Variants in GAPVD1 observed in about 807,000 individuals in gnomAD.
GAPVD1 encodes GTPase activating protein and VPS9 domains 1.
A neutral mutation model predicts 155.5 loss-of-function variants in GAPVD1; 35 were observed. The ratio of observed to expected loss-of-function variants is 0.23; its 90% CI spans 0.17 to 0.30. The LOEUF (loss-of-function observed/expected upper bound fraction) is 0.30. Among genes scored for constraint, GAPVD1 ranks in the 10% least tolerant of loss-of-function variants. The pLI, the probability that GAPVD1 is intolerant of heterozygous loss-of-function variation, is 1.00. For synonymous variants in GAPVD1, 636 were observed against 619.7 expected (o/e 1.03, Z -0.39); for missense variants, 1,429 against 1,775.7 (o/e 0.80, Z 3.51).
chr9:125,291,040 A>T (rs1430447834), intron 2 of GAPVD1, among the ~76,000 whole-genome samples: 1 of 151,304 alleles, frequency 6.6e-6, no homozygotes, highest in Non-Finnish European at 1.5e-5. Context: ...TCATCCCAGA[A>T]CTTTGGGAGG....
rs1290617115 is a variant in GAPVD1, at chr9:125,298,897, C to A, written c.-25C>A. ...TTATCTTTTTACTCTTAGTGATCAG[C>A]CTTTGAGCCTTTCCCACATTGAAGA... On this transcript the variant is annotated 5_prime_UTR_variant, in exon 4 of 28. Coordinates refer to ENST00000297933, the MANE Select transcript of GAPVD1 (RefSeq NM_001282680.3). 1.1e-5 allele frequency: 17 copies of A among 1,489,710 alleles called. No individual in the cohort carries two copies. The highest frequency in any genetic ancestry group is 1.6e-5 in the Non-Finnish European group (17 of 1,084,638). The allele number at this position is 1,489,710 out of a possible 1,614,324, so 92.3% of individuals were successfully genotyped here. A position where few individuals can be genotyped will look rare whatever the true frequency, so the allele number is the denominator to read the frequency against.
At chr9:125,328,855 G>A (rs904846843) in intron 12 of GAPVD1, among the ~76,000 whole-genome samples, 12 of 151,758 alleles carry the variant, frequency 7.9e-5, no homozygotes, top group East Asian at 7.8e-4. Context: ...CCTCCCTCCC[G>A]GACGGGGCGG....
intron 17 of GAPVD1, among the ~76,000 whole-genome samples, chr9:125,339,274 C>T (rs1476529426): frequency 1.3e-5 from 2 of 152,106 alleles, no homozygotes; most frequent in Admixed American, 6.6e-5. Flanking sequence ...CAGGCGTGAG[C>T]CACCCACAGT....
intron 1 of GAPVD1, among the ~76,000 whole-genome samples, chr9:125,264,934 C>T (rs1346980971): frequency 6.6e-6 from 1 of 152,032 alleles, no homozygotes; most frequent in Non-Finnish European, 1.5e-5. Flanking sequence ...GTCAGGCTGG[C>T]CTCGAACCTC....
At chr9:125,362,480 C>A in intron 27 of GAPVD1, 126 bp from the exon 28 acceptor site, 1 of 761,936 alleles carries the variant, frequency 1.3e-6, no homozygotes, top group South Asian at 2.1e-5. Context: ...CAAAAAATAA[C>A]TTTGGGGTTG....
At chr9:125,313,890 T>G (rs61649725) in intron 9 of GAPVD1, among the ~76,000 whole-genome samples, 1,967 of 152,306 alleles carry the variant, frequency 0.013, 103 homozygotes, top group East Asian at 0.088. Context: ...TGTGAATCAC[T>G]GCACCCAGCC....
At chr9:125,310,913 C>T (rs1167461353) in intron 8 of GAPVD1, among the ~76,000 whole-genome samples, 2 of 151,484 alleles carry the variant, frequency 1.3e-5, no homozygotes, top group African/African-American at 4.9e-5. Flanking sequence ...GATCTCGGCT[C>T]ACTGCAACCT....
At position 125,346,951 on chromosome 9, in the gene GAPVD1, A is replaced by G. The variant is rs755390598; in HGVS notation, c.3169+10A>G. On this transcript the variant is annotated intron_variant, in intron 20 of 27. Coordinates refer to ENST00000297933, the MANE Select transcript of GAPVD1 (RefSeq NM_001282680.3). ...AACTATGAAAGTACAGGTGATAATCATGACAGAGATTTGAGTAGTAAACTT... is the reference window on the plus strand; with the variant it reads ...AACTATGAAAGTACAGGTGATAATCGTGACAGAGATTTGAGTAGTAAACTT... 13 of 1,612,320 alleles carry G rather than the reference A, an allele frequency of 8.1e-6. No individual in the cohort carries two copies. In the Admixed American group the frequency reaches 1.3e-4, roughly 17 times the overall value.
chr9:125,277,685 G>GT (rs551496647), intron 2 of GAPVD1, among the ~76,000 whole-genome samples: 17,463 of 137,178 alleles, frequency 0.13, 1,145 homozygotes, highest in Non-Finnish European at 0.16. Context: ...ATGCTTGTCT[G>GT]TTTTTTTTTT....
At chr9:125,293,852 TTATATATA>T (rs1161661604) in intron 2 of GAPVD1, among the ~76,000 whole-genome samples, 492 of 34,806 alleles carry the variant, frequency 0.014, 1 homozygote, top group South Asian at 0.025. Flanking sequence ...AAAATATATT[TTATATATA>T]TATATATATA....
At chr9:125,280,533 T>C (rs1388851434) in intron 2 of GAPVD1, among the ~76,000 whole-genome samples, 1 of 151,850 alleles carries the variant, frequency 6.6e-6, no homozygotes, top group Admixed American at 6.6e-5. Context: ...TATTCTTTAC[T>C]GCTGATCAGT....
rs893219638 is a variant in GAPVD1, at chr9:125,365,704, T to G, written c.*2958T>G. The G allele has an allele frequency of 6.6e-6, 1 of 152,276 alleles. No homozygotes were observed. The highest frequency in any genetic ancestry group is 1.5e-5 in the Non-Finnish European group (1 of 68,058). 9.4% of individuals were successfully genotyped at this position (152,276 alleles called of 1,614,324 possible). On this transcript the variant is annotated 3_prime_UTR_variant, in exon 28 of 28. Coordinates refer to ENST00000297933, the MANE Select transcript of GAPVD1 (RefSeq NM_001282680.3). Reference sequence around the variant, plus strand: ...CCCAGTCTGGAGTGCAGTGCTGTGATCTCGGCTCACTGTAACCACCATCTC... The same window carrying G: ...CCCAGTCTGGAGTGCAGTGCTGTGAGCTCGGCTCACTGTAACCACCATCTC...
intron 2 of GAPVD1, among the ~76,000 whole-genome samples, chr9:125,291,811 A>C (rs1182369821): frequency 6.6e-6 from 1 of 152,154 alleles, no homozygotes; most frequent in Non-Finnish European, 1.5e-5. Flanking sequence ...TTAAGGCAGG[A>C]AGGTAAAGAG....
chr9:125,354,822 G>A lies in GAPVD1; in HGVS notation c.3738G>A (p.Lys1246=). The change falls in exon 24 of 28, where the codon AAG becomes AAA. Residue 1246 remains lysine (K), a synonymous_variant. Coordinates refer to ENST00000297933, the MANE Select transcript of GAPVD1 (RefSeq NM_001282680.3). The part of the protein sequence containing the change: ...VRLLLESKEK[K]IREFIQDFQK... ...TACTGCTTGAGAGCAAAGAAAAGAA[G>A]ATCAGGGAATTCATTCAAGGTAACT... The A allele has an allele frequency of 6.2e-7, 1 of 1,612,940 alleles. No homozygotes were observed. Among genetic ancestry groups the A allele is most frequent in the Non-Finnish European group, 8.5e-7 (1 of 1,178,930 alleles).
intron 2 of GAPVD1, among the ~76,000 whole-genome samples, chr9:125,292,573 A>G (rs1838785946): frequency 6.6e-6 from 1 of 151,750 alleles, no homozygotes; most frequent in Non-Finnish European, 1.5e-5. Flanking sequence ...TTGTATTTTT[A>G]CTAGAGGGAT....
At chr9:125,288,923 G>A (rs112112934) in intron 2 of GAPVD1, among the ~76,000 whole-genome samples, 3 of 152,146 alleles carry the variant, frequency 2.0e-5, no homozygotes, top group Admixed American at 2.0e-4. Context: ...CTTACATAGG[G>A]TGGCCAAACT....
chr9:125,329,634 GTTTT>G (rs141414767), intron 12 of GAPVD1, among the ~76,000 whole-genome samples: 6 of 141,096 alleles, frequency 4.3e-5, no homozygotes, highest in Admixed American at 1.4e-4. Context: ...GAATTTGGTG[GTTTT>G]TTTTTTTTTT....
Position 125,337,273 on chromosome 9 carries a change from A to C in GAPVD1, c.2559A>C (p.Pro853=), listed in dbSNP as rs1847173521. Residue 853 remains proline, a synonymous_variant, in exon 17 of 28, where the codon CCA becomes CCC. Transcript: ENST00000297933. ...PKVHYARPSH[P]PPDPPILEGA... ...TTCACTATGCTAGGCCATCGCATCC[A>C]CCACCAGATCCCCCAATCCTGGAAG... 6.2e-7 allele frequency: 1 copy of C among 1,614,134 alleles called. No homozygotes were observed. Among genetic ancestry groups the C allele is most frequent in the Non-Finnish European group, 8.5e-7 (1 of 1,179,992 alleles).
chr9:125,294,866 A>C (rs1037382717), intron 2 of GAPVD1, among the ~76,000 whole-genome samples: 7 of 152,072 alleles, frequency 4.6e-5, no homozygotes, highest in African/African-American at 1.7e-4. Context: ...TCAGAAGCCA[A>C]ATAAAGTTCT....
Sources: allele counts gnomAD v4.1 joint callset (sites outside exome capture counted in the v4.1 genomes callset), GRCh38; gene constraint gnomAD v4.1.1; transcripts MANE v1.5; gene names NCBI Gene and HGNC (gene_info 2026-07-23, HGNC 2026-07-21).